Variants in GLB1L3 observed in about 807,000 individuals in gnomAD.
GLB1L3 encodes beta-galactosidase-1-like protein 3.
GLB1L3 carries 89 observed loss-of-function variants against 89.5 expected under a neutral mutation model. The ratio of observed to expected loss-of-function variants is 0.99; its 90% CI spans 0.84 to 1.19. The LOEUF (loss-of-function observed/expected upper bound fraction) is 1.19. GLB1L3 is among the 50% of genes most tolerant of loss of function. The pLI is 0.00. For missense variants in GLB1L3, 812 were observed against 813.3 expected (o/e 1.00, Z 0.02); for synonymous variants, 314 against 312.3 (o/e 1.01, Z -0.06).
Position 134,288,878 on chromosome 11 carries a change from G to A in GLB1L3, c.717G>A (p.Pro239=), listed in dbSNP as rs1166329336. The A allele has an allele frequency of 1.9e-6, 3 of 1,610,600 alleles. No individual in the cohort carries two copies. The highest frequency in any genetic ancestry group is 2.2e-5 in the East Asian group (1 of 44,822). ...TCAATAAGGATAAAACATACATGCC[G>A]TATCTCCACAAGGTAAGAGGGCCTT... ...GSFNKDKTYM[P]YLHKALLRRG... The change falls in exon 7 of 20, where the codon CCG becomes CCA. Residue 239 remains proline, a synonymous_variant. Coordinates refer to ENST00000431683, the MANE Select transcript of GLB1L3 (RefSeq NM_001080407.3).
intron 18 of GLB1L3, among the ~76,000 whole-genome samples, chr11:134,315,082 G>T (rs1456162523): frequency 6.6e-6 from 1 of 152,110 alleles, no homozygotes; most frequent in Non-Finnish European, 1.5e-5. Context: ...TATGTAAATG[G>T]AATCATACAG....
rs1023519431 is a variant in GLB1L3 at position 134,312,353 on chromosome 11, T to G, written c.1292T>G (p.Val431Gly). 3.7e-6 allele frequency: 6 copies of G among 1,613,380 alleles called. No homozygotes were observed. In the African/African-American group the frequency reaches 8.0e-5, roughly 22 times the overall value. ...TCTTGCCATTTCTCCTCATAGCCAG[T>G]CAGGTCGCGTCAGCCCGTCAACATG... ...WDALSYLNEP[V>G]RSRQPVNMEN... The change falls in exon 14 of 20, where the codon GTC becomes GGC. Residue 431 changes from valine (V) to glycine (G), a missense_variant. Val to Gly is a moderately radical substitution (Grantham distance 109). Transcript: ENST00000431683.
chr11:134,310,106 G>C, intron 11 of GLB1L3: 2 of 400,540 alleles, frequency 5.0e-6, no homozygotes, highest in South Asian at 6.8e-5. Flanking sequence ...AAAGAAAAGA[G>C]TACCCGTTGA....
chr11:134,293,615 A>G (rs1367418524), intron 9 of GLB1L3, among the ~76,000 whole-genome samples: 1 of 152,072 alleles, frequency 6.6e-6, no homozygotes, highest in Admixed American at 6.6e-5. Flanking sequence ...ACCTGCACTG[A>G]TTTAAGACGT....
intron 9 of GLB1L3, among the ~76,000 whole-genome samples, chr11:134,301,094 T>C (rs1312486696): frequency 6.6e-6 from 1 of 152,222 alleles, no homozygotes; most frequent in African/African-American, 2.4e-5. Flanking sequence ...TCAGCACTTC[T>C]TTAATATGAT....
At chr11:134,281,757 A>G (rs975503501) in intron 4 of GLB1L3, among the ~76,000 whole-genome samples, 7 of 123,964 alleles carry the variant, frequency 5.6e-5, no homozygotes, top group African/African-American at 2.0e-4. Context: ...CTAGGCTAGC[A>G]AGGCTATGGG....
chr11:134,291,544 T>C (rs1169147435), intron 7 of GLB1L3, among the ~76,000 whole-genome samples: 1 of 152,196 alleles, frequency 6.6e-6, no homozygotes, highest in African/African-American at 2.4e-5. Flanking sequence ...GCCTCTCCCA[T>C]GTACTTTAAC....
chr11:134,310,939 A>G, intron 12 of GLB1L3, 125 bp from the exon 13 acceptor site: 3 of 720,542 alleles, frequency 4.2e-6, no homozygotes, highest in Non-Finnish European at 7.3e-6. Context: ...TAAAGCTCTT[A>G]TACCATGGAT....
At chr11:134,300,965 C>T (rs1490300360) in intron 9 of GLB1L3, among the ~76,000 whole-genome samples, 2 of 152,214 alleles carry the variant, frequency 1.3e-5, no homozygotes, top group South Asian at 2.1e-4. Flanking sequence ...CCGGGATTCT[C>T]CCGAATCTCC....
At chr11:134,279,690 G>T (rs1396443802) in intron 3 of GLB1L3, among the ~76,000 whole-genome samples, 1 of 151,846 alleles carries the variant, frequency 6.6e-6, no homozygotes, top group Non-Finnish European at 1.5e-5. Flanking sequence ...GAACCCACTG[G>T]GACTTAAGAA....
At chr11:134,302,164 G>A (rs1941978589) in intron 9 of GLB1L3, among the ~76,000 whole-genome samples, 1 of 152,082 alleles carries the variant, frequency 6.6e-6, no homozygotes, top group Non-Finnish European at 1.5e-5. Context: ...AGACTCACCT[G>A]ATACATTTCC....
At chr11:134,299,698 A>T (rs1435280742) in intron 9 of GLB1L3, among the ~76,000 whole-genome samples, 1 of 152,002 alleles carries the variant, frequency 6.6e-6, no homozygotes, top group Non-Finnish European at 1.5e-5. Context: ...CTTTTTCTCC[A>T]GCTTGGTTAG....
At chr11:134,281,187 T>C (rs183737927) in intron 3 of GLB1L3, among the ~76,000 whole-genome samples, 190 bp from the exon 4 acceptor site, 4 of 152,266 alleles carry the variant, frequency 2.6e-5, no homozygotes, top group Non-Finnish European at 5.9e-5. Flanking sequence ...TGAACCACAA[T>C]TGGATAATAG....
chr11:134,322,448 A>T (rs571545466), downstream of GLB1L3, among the ~76,000 whole-genome samples: 1 of 152,234 alleles, frequency 6.6e-6, no homozygotes, highest in African/African-American at 2.4e-5. Flanking sequence ...AAACTCTTTT[A>T]AAGTCTACAA....
chr11:134,277,287 G>C lies in GLB1L3; in HGVS notation c.24-39G>C, dbSNP rs779251697. 7 of 1,613,140 alleles carry C rather than the reference G, an allele frequency of 4.3e-6. No homozygotes were observed. The African/African-American group carries it at 6.7e-5, about 15-fold the overall frequency. On this transcript the variant is annotated intron_variant, in intron 1 of 19. Transcript: ENST00000431683. Reference sequence around the variant, plus strand: ...CGGCCCTTGCAGCCCGGTGGGGCCGGAACCTTCCCCTTGTCACTGTTGTCC... The same window carrying C: ...CGGCCCTTGCAGCCCGGTGGGGCCGCAACCTTCCCCTTGTCACTGTTGTCC...
chr11:134,293,577 A>C (rs1488057059), intron 9 of GLB1L3, among the ~76,000 whole-genome samples: 1 of 152,070 alleles, frequency 6.6e-6, no homozygotes, highest in Non-Finnish European at 1.5e-5. Flanking sequence ...GCCACAGCTT[A>C]CATATTATCA....
At chr11:134,304,964 C>A in intron 9 of GLB1L3, 1 of 561,180 alleles carries the variant, frequency 1.8e-6, no homozygotes, top group Non-Finnish European at 2.8e-6. Flanking sequence ...GGCTCAAGGA[C>A]TCAAGAGAAG....
At chr11:134,305,390 A>T (rs1942153852) in intron 9 of GLB1L3, 11 of 441,230 alleles carry the variant, frequency 2.5e-5, no homozygotes, top group Non-Finnish European at 4.4e-5. Context: ...TTCTCTCTCT[A>T]CGTTTTTTGA....
downstream of GLB1L3, among the ~76,000 whole-genome samples, chr11:134,320,424 A>G (rs1006775847): frequency 1.3e-5 from 2 of 152,196 alleles, no homozygotes; most frequent in South Asian, 4.1e-4. Context: ...AGGGAAGCAG[A>G]ACTAATAATC....
Sources: gnomAD v4.1 joint callset for allele counts (sites outside exome capture counted in the v4.1 genomes callset) on GRCh38, gnomAD v4.1.1 for gene constraint, MANE v1.5 for transcripts, NCBI Gene and HGNC (gene_info 2026-07-23, HGNC 2026-07-21) for gene names.